The following CCSER1 variants were observed in gnomAD, a reference collection of about 807,000 sequenced individuals.
CCSER1 encodes the protein serine-rich coiled-coil domain-containing protein 1.
CCSER1 carries 41 observed loss-of-function variants against 82.0 expected under a neutral mutation model. The ratio of observed to expected loss-of-function variants is 0.50; its 90% CI spans 0.39 to 0.65. The LOEUF (loss-of-function observed/expected upper bound fraction) is 0.65, where lower values mean the gene tolerates loss of function less well. Among genes scored for constraint, CCSER1 ranks in the 30% least tolerant of loss-of-function variants. The probability of loss-of-function intolerance (pLI) is 0.00; values close to 1 mark genes in which losing one functional copy is unlikely to be tolerated. For synonymous variants in CCSER1, 414 were observed against 383.9 expected (o/e 1.08, Z -0.92); for missense variants, 1,119 against 1,064.2 (o/e 1.05, Z -0.72).
At chr4:90,662,376 T>C in intron 6 of CCSER1, among the ~76,000 whole-genome samples, 1 of 152,224 alleles carries the variant, frequency 6.6e-6, no homozygotes, top group East Asian at 1.9e-4. Context: ...GGTCTGCTAC[T>C]TATACTATAT....
chr4:90,272,785 C>G (rs1726796445), intron 1 of CCSER1, among the ~76,000 whole-genome samples: 1 of 151,986 alleles, frequency 6.6e-6, no homozygotes, highest in South Asian at 2.1e-4. Flanking sequence ...GGTGGATCAC[C>G]TGAGGTCAGG....
intron 10 of CCSER1, among the ~76,000 whole-genome samples, chr4:91,332,097 T>A (rs535546206): frequency 1.3e-5 from 2 of 152,258 alleles, no homozygotes; most frequent in Non-Finnish European, 2.9e-5. Context: ...TTATTTGACA[T>A]GCTTTTCTTG....
At chr4:90,496,532 A>AT (rs1366996528) in intron 5 of CCSER1, among the ~76,000 whole-genome samples, 2 of 152,108 alleles carry the variant, frequency 1.3e-5, no homozygotes, top group African/African-American at 4.8e-5. Context: ...TGTGATTTCA[A>AT]TTTTTTCAGA....
At chr4:90,666,889 C>G (rs1290962162) in intron 6 of CCSER1, among the ~76,000 whole-genome samples, 3 of 152,082 alleles carry the variant, frequency 2.0e-5, no homozygotes, top group Non-Finnish European at 2.9e-5. Flanking sequence ...GAGCGTCAGA[C>G]AGAGATGGCA....
intron 10 of CCSER1, among the ~76,000 whole-genome samples, chr4:91,166,132 A>G (rs1732039397): frequency 6.6e-6 from 1 of 152,248 alleles, no homozygotes; most frequent in Non-Finnish European, 1.5e-5. Context: ...TACATCAGAT[A>G]CAGAAGTGAG....
chr4:91,292,972 C>T (rs1005814770), intron 10 of CCSER1, among the ~76,000 whole-genome samples: 1 of 151,888 alleles, frequency 6.6e-6, no homozygotes, highest in African/African-American at 2.4e-5. Context: ...CTTAAGTATA[C>T]GGTTCCTTCA....
chr4:90,143,675 C>G (rs1231214403), intron 1 of CCSER1, among the ~76,000 whole-genome samples: 2 of 147,792 alleles, frequency 1.4e-5, no homozygotes, highest in East Asian at 3.9e-4. Flanking sequence ...TTTTACTTCT[C>G]CATTCCTACT....
At chr4:91,285,638 A>G (rs72877082) in intron 10 of CCSER1, among the ~76,000 whole-genome samples, 8,180 of 151,902 alleles carry the variant, frequency 0.054, 720 homozygotes, top group African/African-American at 0.18. Flanking sequence ...ATATTTACCA[A>G]TATGTACCAC....
At chr4:91,357,912 C>A (rs1459613848) in intron 10 of CCSER1, among the ~76,000 whole-genome samples, 1 of 106,212 alleles carries the variant, frequency 9.4e-6, no homozygotes, top group Non-Finnish European at 1.8e-5. Context: ...TTGAAGATAA[C>A]CATTCCTTTT....
In CCSER1 at chr4:91,601,352, T is replaced by A. The variant is rs567072760; in HGVS notation, c.*2295T>A. The A allele has an allele frequency of 6.6e-6, 1 of 152,154 alleles. No individual in the cohort carries two copies. Among genetic ancestry groups the A allele is most frequent in the African/African-American group, 2.4e-5 (1 of 41,548 alleles). 9.4% of individuals were successfully genotyped at this position (152,154 alleles called of 1,614,324 possible). A position where few individuals can be genotyped will look rare whatever the true frequency, so the allele number is the denominator to read the frequency against. Reference sequence around the variant, plus strand: ...TTCGATTTTAAAAGGAAGGGTATTTTTTGGAAATATCATCTTAAAGCTGTT... The same window carrying A: ...TTCGATTTTAAAAGGAAGGGTATTTATTGGAAATATCATCTTAAAGCTGTT... On this transcript the variant is annotated 3_prime_UTR_variant, in exon 11 of 11. Coordinates refer to ENST00000509176, the MANE Select transcript of CCSER1 (RefSeq NM_001145065.2).
At chr4:91,233,143 A>G (rs1025857825) in intron 10 of CCSER1, among the ~76,000 whole-genome samples, 6 of 151,822 alleles carry the variant, frequency 4.0e-5, no homozygotes. Context: ...GAAGGGAGGA[A>G]GGGAAAGGGG....
rs1370395212 is a variant in CCSER1 at position 91,263,224 on chromosome 4, A to G, written c.2217+177230A>G. Among the ~76,000 whole-genome samples, 4 of 152,194 alleles carry G rather than the reference A, an allele frequency of 2.6e-5. No individual in the cohort carries two copies. The South Asian group carries it at 6.2e-4, about 24-fold the overall frequency. ...TTTGCCTCAATAAACTCGACTAACC[A>G]TCTAGCAGTGACTATTTTAAATGCT... On this transcript the variant is annotated intron_variant, in intron 10 of 10. Coordinates refer to ENST00000509176, the MANE Select transcript of CCSER1 (RefSeq NM_001145065.2).
intron 6 of CCSER1, among the ~76,000 whole-genome samples, chr4:90,722,793 C>T (rs757522138): frequency 3.3e-5 from 5 of 151,826 alleles, no homozygotes; most frequent in Non-Finnish European, 5.9e-5. Context: ...CATAAGTAGT[C>T]CCAACTTAAT....
intron 10 of CCSER1, among the ~76,000 whole-genome samples, chr4:91,578,338 A>G (rs1490632832): frequency 6.6e-6 from 1 of 151,936 alleles, no homozygotes; most frequent in African/African-American, 2.4e-5. Flanking sequence ...TTTCAATAAG[A>G]TTTTTGAAAA....
At chr4:90,551,704 C>CTA (rs1242206717) in intron 5 of CCSER1, among the ~76,000 whole-genome samples, 159 of 107,556 alleles carry the variant, frequency 1.5e-3, no homozygotes, top group Middle Eastern at 5.3e-3. Context: ...CTCTCTCTCT[C>CTA]TCTATATATA....
rs564476148 is a variant in CCSER1, at chr4:90,775,117, C to G, written c.2011-40645C>G. Among the ~76,000 whole-genome samples, 23 of 152,192 alleles carry G rather than the reference C, an allele frequency of 1.5e-4. No individual in the cohort carries two copies. The South Asian group carries it at 4.8e-3, about 32-fold the overall frequency. ...AAAATGATTCATTGTAACATAATGA[C>G]TCTTCACCACCTCAAAGATTACAAT... On this transcript the variant is annotated intron_variant, in intron 7 of 10. Transcript: ENST00000509176.
At chr4:91,228,241 A>T (rs1738360015) in intron 10 of CCSER1, among the ~76,000 whole-genome samples, 1 of 152,138 alleles carries the variant, frequency 6.6e-6, no homozygotes, top group Admixed American at 6.6e-5. Flanking sequence ...GAATATAATA[A>T]TTATTCAGTG....
At chr4:91,384,404 G>A (rs6828415) in intron 10 of CCSER1, among the ~76,000 whole-genome samples, 101,809 of 144,664 alleles carry the variant, frequency 0.7, 34,577 homozygotes, top group East Asian at 0.87. Context: ...TATTATTTAT[G>A]AGATTAAAAT....
At chr4:91,036,647 T>A (rs1741455731) in intron 9 of CCSER1, among the ~76,000 whole-genome samples, 1 of 152,120 alleles carries the variant, frequency 6.6e-6, no homozygotes, top group Non-Finnish European at 1.5e-5. Flanking sequence ...GAGGGTATAA[T>A]ATAAACATAA....
Sources: allele counts gnomAD v4.1 joint callset (sites outside exome capture counted in the v4.1 genomes callset), GRCh38; gene constraint gnomAD v4.1.1; transcripts MANE v1.5; gene names NCBI Gene and HGNC (gene_info 2026-07-23, HGNC 2026-07-21).